The following PTPRT variants were observed in gnomAD, a reference collection of about 807,000 sequenced individuals.
PTPRT encodes the protein receptor-type tyrosine-protein phosphatase T.
In PTPRT, 56 loss-of-function variants were observed where a neutral mutation model predicts 176.8. The observed-to-expected ratio is 0.32, with a 90% CI of 0.26 to 0.40. PTPRT has a LOEUF of 0.40. Ranked by LOEUF, PTPRT falls within the 10% of genes least tolerant of loss-of-function variation. The probability of loss-of-function intolerance (pLI) is 1.00; values close to 1 mark genes in which losing one functional copy is unlikely to be tolerated. For missense variants in PTPRT, 1,540 were observed against 1,908.2 expected (o/e 0.81, Z 3.60); for synonymous variants, 783 against 739.0 (o/e 1.06, Z -0.96).
intron 1 of PTPRT, among the ~76,000 whole-genome samples, chr20:43,066,505 G>A (rs925167733): frequency 6.6e-6 from 1 of 152,182 alleles, no homozygotes; most frequent in Non-Finnish European, 1.5e-5. Context: ...TTCTGAATCT[G>A]AGAAAGCCTA....
chr20:42,039,621 T>G, the PTPRT span, among the ~76,000 whole-genome samples: 1,326 of 150,148 alleles, frequency 8.8e-3, 19 homozygotes, highest in African/African-American at 0.03. Context: ...CATAATGTCC[T>G]TCAGGTTCAT....
At chr20:42,600,434 C>T (rs1237114821) in intron 7 of PTPRT, among the ~76,000 whole-genome samples, 5 of 152,120 alleles carry the variant, frequency 3.3e-5, no homozygotes, top group Admixed American at 3.3e-4. Flanking sequence ...GCTACCACAC[C>T]TGGCTGGGAT....
At chr20:42,635,734 T>G (rs2074582974) in intron 7 of PTPRT, among the ~76,000 whole-genome samples, 2 of 151,094 alleles carry the variant, frequency 1.3e-5, no homozygotes, top group Non-Finnish European at 2.9e-5. Flanking sequence ...TTTTATTTTA[T>G]TTTTTGTTTT....
chr20:42,283,964 T>G (rs1372887981), intron 12 of PTPRT, among the ~76,000 whole-genome samples: 1 of 152,070 alleles, frequency 6.6e-6, no homozygotes, highest in Non-Finnish European at 1.5e-5. Context: ...ATTCTTTTCC[T>G]CAAAATGCAC....
At chr20:42,791,490 G>C (rs747317222) in intron 2 of PTPRT, 24 bp from the exon 3 acceptor site, 1 of 1,591,904 alleles carries the variant, frequency 6.3e-7, no homozygotes. Context: ...AAGCAGGTGG[G>C]AAGTAGAGAC....
rs180861576 is a variant in PTPRT, at chr20:42,653,930, C to T, written c.1153+23936G>A. The stretch of plus-strand genomic sequence containing the variant: ...TTGTTAGCTTCAATTATTCAGTATT[C>T]TTTTTACATTTTTGAGTCAACATAT... On this transcript the variant is annotated intron_variant, in intron 7 of 30. Transcript: ENST00000373187. 9.1e-3 allele frequency among the ~76,000 whole-genome samples: 1,386 copies of T among 152,244 alleles called. 9 individuals carry two copies. The highest frequency in any genetic ancestry group is 0.02 in the Middle Eastern group (6 of 294).
intron 2 of PTPRT, among the ~76,000 whole-genome samples, chr20:42,808,921 G>A (rs545238837): frequency 5.9e-5 from 9 of 152,298 alleles, no homozygotes; most frequent in African/African-American, 1.9e-4. Flanking sequence ...CTCAGCTGCC[G>A]GAGGGAGGCT....
chr20:43,029,718 T>C (rs190905819), intron 1 of PTPRT, among the ~76,000 whole-genome samples: 5 of 152,260 alleles, frequency 3.3e-5, no homozygotes, highest in African/African-American at 1.2e-4. Flanking sequence ...GGCTTGGCCT[T>C]ATGATTTCTG....
At chr20:43,079,526 C>T (rs2011380487) in intron 1 of PTPRT, among the ~76,000 whole-genome samples, 1 of 152,078 alleles carries the variant, frequency 6.6e-6, no homozygotes, top group African/African-American at 2.4e-5. Context: ...CCTTCCTATC[C>T]ATAAACATGG....
intron 1 of PTPRT, among the ~76,000 whole-genome samples, chr20:42,960,767 A>G (rs1981939859): frequency 6.6e-6 from 1 of 152,154 alleles, no homozygotes; most frequent in Non-Finnish European, 1.5e-5. Flanking sequence ...CCAGAGTGAT[A>G]CAACGATGTC....
chr20:42,057,594 A>AT, the PTPRT span, among the ~76,000 whole-genome samples: 3 of 151,662 alleles, frequency 2.0e-5, no homozygotes, highest in East Asian at 3.9e-4. Flanking sequence ...AATTGTTCTT[A>AT]TCTTTTTTTT....
chr20:42,377,284 G>C (rs1016517292), intron 9 of PTPRT, among the ~76,000 whole-genome samples: 1 of 152,084 alleles, frequency 6.6e-6, no homozygotes, highest in Non-Finnish European at 1.5e-5. Flanking sequence ...CAGGGTACAT[G>C]CTAACTCCAG....
intron 7 of PTPRT, among the ~76,000 whole-genome samples, chr20:42,528,484 T>C (rs1023920970): frequency 1.3e-5 from 2 of 152,084 alleles, no homozygotes; most frequent in Non-Finnish European, 2.9e-5. Flanking sequence ...TAGTTCAATA[T>C]TTCATGTTAA....
chr20:42,100,303 T>C (rs1173156111), intron 26 of PTPRT, among the ~76,000 whole-genome samples: 6 of 152,252 alleles, frequency 3.9e-5, no homozygotes, highest in Non-Finnish European at 7.3e-5. Flanking sequence ...GCAATCCATT[T>C]CATGGATAAC....
chr20:42,498,565 G>C (rs1298758931), intron 7 of PTPRT, among the ~76,000 whole-genome samples: 1 of 152,098 alleles, frequency 6.6e-6, no homozygotes. Context: ...TCTTGCGGGG[G>C]AAGTTATATT....
At chr20:43,171,786 T>C (rs921739071) in intron 1 of PTPRT, among the ~76,000 whole-genome samples, 1 of 152,194 alleles carries the variant, frequency 6.6e-6, no homozygotes, top group Non-Finnish European at 1.5e-5. Context: ...CTGACACTGC[T>C]GGTCCAGGGG....
chr20:42,709,292 G>T (rs1424477846), intron 6 of PTPRT, among the ~76,000 whole-genome samples: 1 of 152,198 alleles, frequency 6.6e-6, no homozygotes, highest in African/African-American at 2.4e-5. Context: ...GTAATCTCCA[G>T]TGTTGGAGGT....
chr20:42,952,213 C>A (rs1280643727), intron 1 of PTPRT, among the ~76,000 whole-genome samples: 2 of 152,190 alleles, frequency 1.3e-5, no homozygotes, highest in African/African-American at 2.4e-5. Context: ...GTCATGCCAC[C>A]ATGGCTAGCC....
intron 17 of PTPRT, among the ~76,000 whole-genome samples, chr20:42,152,331 G>A (rs1023831161): frequency 3.9e-5 from 6 of 152,210 alleles, no homozygotes; most frequent in African/African-American, 1.4e-4. Context: ...GACTAATGAC[G>A]TCTATTCAGA....
Sources: allele counts gnomAD v4.1 joint callset (sites outside exome capture counted in the v4.1 genomes callset), GRCh38; gene constraint gnomAD v4.1.1; transcripts MANE v1.5; gene names NCBI Gene and HGNC (gene_info 2026-07-23, HGNC 2026-07-21).